GRM8: variants seen among roughly 807,000 people sequenced by gnomAD.
GRM8 encodes metabotropic glutamate receptor 8.
In GRM8, 47 loss-of-function variants were observed where a neutral mutation model predicts 87.2. The ratio of observed to expected loss-of-function variants is 0.54; its 90% CI spans 0.43 to 0.69. GRM8 has a LOEUF of 0.69. GRM8 is among the 30% of genes least tolerant of loss of function. The pLI is 0.00. For missense variants in GRM8, 1,019 were observed against 1,139.2 expected (o/e 0.89, Z 1.52); for synonymous variants, 396 against 404.5 (o/e 0.98, Z 0.25).
intron 6 of GRM8, among the ~76,000 whole-genome samples, chr7:126,804,834 G>A (rs778250290): frequency 3.3e-5 from 5 of 152,128 alleles, no homozygotes; most frequent in Non-Finnish European, 4.4e-5. Flanking sequence ...CTATGCTGAG[G>A]CTTGTTAATA....
chr7:126,725,965 C>G (rs1812924915), intron 7 of GRM8, among the ~76,000 whole-genome samples: 2 of 152,160 alleles, frequency 1.3e-5, no homozygotes, highest in Admixed American at 1.3e-4. Flanking sequence ...AGGATGAAAA[C>G]ACCACCCACC....
intron 3 of GRM8, among the ~76,000 whole-genome samples, chr7:127,083,219 C>G (rs17869575): frequency 6.6e-6 from 1 of 152,126 alleles, no homozygotes. Context: ...GTTTTCCTCA[C>G]TTTCGTTGAT....
chr7:126,796,779 T>C (rs1303286669), intron 6 of GRM8, among the ~76,000 whole-genome samples: 2 of 152,108 alleles, frequency 1.3e-5, no homozygotes, highest in Non-Finnish European at 2.9e-5. Context: ...CCTCCTCTCA[T>C]GGATATTATA....
In GRM8 at chr7:126,691,842, G is replaced by T. The variant is rs565206538; in HGVS notation, c.1357+78023C>A. Reference sequence around the variant, plus strand: ...ACCAACCCCTAAAATACACCTGACAGATCTGCTCACTCAAGGAATTCTACT... The same window carrying T: ...ACCAACCCCTAAAATACACCTGACATATCTGCTCACTCAAGGAATTCTACT... On this transcript the variant is annotated intron_variant, in intron 7 of 10. Transcript: ENST00000339582. 8.5e-4 allele frequency among the ~76,000 whole-genome samples: 130 copies of T among 152,340 alleles called. 1 individual carries two copies. The highest frequency in any genetic ancestry group is 1.3e-3 in the Non-Finnish European group (91 of 68,036).
At chr7:126,763,381 TAATC>T (rs756426148) in intron 7 of GRM8, among the ~76,000 whole-genome samples, 98 of 146,268 alleles carry the variant, frequency 6.7e-4, no homozygotes, top group Middle Eastern at 3.7e-3. Flanking sequence ...TGTAAACTCT[TAATC>T]AATAAAATGT....
chr7:126,903,026 C>T (rs1004435707), intron 5 of GRM8, among the ~76,000 whole-genome samples: 1 of 152,172 alleles, frequency 6.6e-6, no homozygotes, highest in African/African-American at 2.4e-5. Context: ...TACTTAGAAC[C>T]CAACTTAAAC....
chr7:126,832,532 C>T (rs1795489967), intron 6 of GRM8, among the ~76,000 whole-genome samples: 1 of 152,168 alleles, frequency 6.6e-6, no homozygotes, highest in South Asian at 2.1e-4. Flanking sequence ...TTTTTCTATA[C>T]TACAATTAAT....
chr7:126,756,114 T>C (rs571819945), intron 7 of GRM8, among the ~76,000 whole-genome samples: 9 of 152,012 alleles, frequency 5.9e-5, no homozygotes, highest in African/African-American at 1.9e-4. Flanking sequence ...ATTTGAACAA[T>C]TGAGTATGGG....
At chr7:126,554,113 T>G (rs1479015352) in intron 8 of GRM8, among the ~76,000 whole-genome samples, 4 of 152,166 alleles carry the variant, frequency 2.6e-5, no homozygotes, top group Non-Finnish European at 5.9e-5. Flanking sequence ...ATGAATTAAG[T>G]GCTTCCTAAA....
intron 7 of GRM8, among the ~76,000 whole-genome samples, chr7:126,625,522 A>C (rs1021415668): frequency 3.7e-5 from 5 of 134,022 alleles, no homozygotes; most frequent in Admixed American, 2.2e-4. Context: ...AAAAACTGAG[A>C]TAACAGTAAT....
chr7:127,141,787 C>A (rs1283167438), intron 2 of GRM8, among the ~76,000 whole-genome samples: 2 of 151,672 alleles, frequency 1.3e-5, no homozygotes, highest in African/African-American at 4.9e-5. Flanking sequence ...TTACTGTTTG[C>A]AATCCTCTGC....
At chr7:127,039,177 A>G (rs1399662877) in intron 3 of GRM8, among the ~76,000 whole-genome samples, 1 of 152,212 alleles carries the variant, frequency 6.6e-6, no homozygotes, top group African/African-American at 2.4e-5. Context: ...TGAAGTTCCA[A>G]CCTCCAGTAG....
rs765900204 is a variant in GRM8 at position 127,104,383 on chromosome 7, A to G, written c.727+2113T>C. Among the ~76,000 whole-genome samples the G allele has an allele frequency of 2.3e-4, 35 of 152,192 alleles. 1 individual carries two copies. Among genetic ancestry groups the G allele is most frequent in the South Asian group, 2.1e-4 (1 of 4,836 alleles). On this transcript the variant is annotated intron_variant, in intron 3 of 10. Transcript: ENST00000339582. ...ATTAGAGACATCAGATAATTTCAGA[A>G]TGGGTTAAGTTGCTACCATTTGCCA...
intron 6 of GRM8, among the ~76,000 whole-genome samples, chr7:126,857,852 G>A (rs980131606): frequency 7.2e-5 from 11 of 152,294 alleles, no homozygotes; most frequent in Middle Eastern, 3.4e-3. Flanking sequence ...AGGAGGCTGA[G>A]GTGGGAGGAT....
intron 7 of GRM8, among the ~76,000 whole-genome samples, chr7:126,754,863 AT>A (rs1816824843): frequency 6.6e-6 from 1 of 151,814 alleles, no homozygotes; most frequent in South Asian, 2.1e-4. Flanking sequence ...CTGCTAGAAA[AT>A]TTATGGACTG....
intron 9 of GRM8, among the ~76,000 whole-genome samples, chr7:126,475,841 G>A (rs1308914961): frequency 6.6e-6 from 1 of 152,052 alleles, no homozygotes; most frequent in Non-Finnish European, 1.5e-5. Flanking sequence ...TCTTTTACAA[G>A]GGTTCCAAAA....
At chr7:126,581,895 G>A (rs76389006) in intron 8 of GRM8, among the ~76,000 whole-genome samples, 3,712 of 152,140 alleles carry the variant, frequency 0.024, 142 homozygotes, top group African/African-American at 0.085. Context: ...TAAATGTTGT[G>A]TGTTCTGACT....
chr7:126,588,822 G>A (rs1285387712), intron 8 of GRM8, among the ~76,000 whole-genome samples: 2 of 152,170 alleles, frequency 1.3e-5, no homozygotes. Flanking sequence ...AAGTATGAAA[G>A]TGGGAAAGGG....
At chr7:126,655,756 C>A (rs1804452940) in intron 7 of GRM8, among the ~76,000 whole-genome samples, 1 of 152,044 alleles carries the variant, frequency 6.6e-6, no homozygotes, top group African/African-American at 2.4e-5. Context: ...TGGTCCAAAT[C>A]TAAAGAAGAT....
Sources: allele counts gnomAD v4.1 joint callset (sites outside exome capture counted in the v4.1 genomes callset), GRCh38; gene constraint gnomAD v4.1.1; transcripts MANE v1.5; gene names NCBI Gene and HGNC (gene_info 2026-07-23, HGNC 2026-07-21).